The following PTH2R variants were observed in gnomAD, a reference collection of about 807,000 sequenced individuals.
The protein encoded by PTH2R is PTH2 receptor.
PTH2R carries 59 observed loss-of-function variants against 60.3 expected under a neutral mutation model. That is an observed-to-expected ratio of 0.98 (90% CI 0.79 to 1.22). The LOEUF is 1.22. PTH2R is among the 50% of genes most tolerant of loss of function. PTH2R has a pLI of 0.00. For missense variants in PTH2R, 749 were observed against 682.6 expected (o/e 1.10, Z -1.08); for synonymous variants, 256 against 243.8 (o/e 1.05, Z -0.47).
Position 208,362,837 on chromosome 2 carries a change from AGTGTGT to A in PTH2R, c.-259+2621_-259+2626del, listed in dbSNP as rs4021384. On this transcript the variant is annotated intron_variant, in intron 1 of 12. Coordinates refer to the PTH2R transcript ENST00000617735. ...CTCTACATCCATACCAACACTTATT[AGTGTGT>A]GTGTGTGTGTGTGTGTGTGTTTAAT... Among the ~76,000 whole-genome samples, 692 of 150,340 alleles carry A rather than the reference AGTGTGT, an allele frequency of 4.6e-3. 5 individuals carry two copies. Among genetic ancestry groups the A allele is most frequent in the African/African-American group, 0.014 (588 of 40,764 alleles).
chr2:208,465,615 G>A (rs1267822795), intron 9 of PTH2R, among the ~76,000 whole-genome samples: 1 of 151,802 alleles, frequency 6.6e-6, no homozygotes, highest in Non-Finnish European at 1.5e-5. Context: ...CGTTGGCCAG[G>A]CTGGACTCAA....
chr2:208,408,740 A>AGAGAAAGAGAGAGAGAGAGAGAG (rs1553542827), intron 1 of PTH2R, among the ~76,000 whole-genome samples: 66 of 123,338 alleles, frequency 5.4e-4, no homozygotes, highest in African/African-American at 1.5e-3. Flanking sequence ...GAGAGAGAGA[A>AGAGAAAGAGAGAGAGAGAGAGAG]AGAGAGAGAG....
intron 2 of PTH2R, among the ~76,000 whole-genome samples, chr2:208,431,047 AC>A (rs897893921): frequency 8.0e-4 from 122 of 152,206 alleles, no homozygotes; most frequent in African/African-American, 2.9e-3. Context: ...TCCTTCTGGA[AC>A]TTTAAGAAGA....
chr2:208,453,936 T>C (rs1026584543), intron 8 of PTH2R, among the ~76,000 whole-genome samples: 2 of 152,214 alleles, frequency 1.3e-5, no homozygotes, highest in Non-Finnish European at 2.9e-5. Flanking sequence ...CCGATCATTA[T>C]ATATAAACAG....
At chr2:208,444,342 T>G (rs1702245970) in intron 6 of PTH2R, among the ~76,000 whole-genome samples, 1 of 152,228 alleles carries the variant, frequency 6.6e-6, no homozygotes, top group African/African-American at 2.4e-5. Flanking sequence ...GGGCAGCTTG[T>G]TTTGCAGCAA....
intron 1 of PTH2R, among the ~76,000 whole-genome samples, chr2:208,409,240 C>G (rs980651152): frequency 3.3e-5 from 5 of 152,154 alleles, no homozygotes; most frequent in African/African-American, 1.2e-4. Context: ...CAAACTGATA[C>G]ATTTTATGAC....
At chr2:208,404,951 C>T (rs1701374666), upstream of PTH2R, among the ~76,000 whole-genome samples, 1 of 152,174 alleles carries the variant, frequency 6.6e-6, no homozygotes, top group African/African-American at 2.4e-5. Context: ...GAATGGTATT[C>T]CACCCTGGAT....
chr2:208,467,498 T>C (rs1702779806), intron 9 of PTH2R, among the ~76,000 whole-genome samples: 1 of 152,206 alleles, frequency 6.6e-6, no homozygotes, highest in Non-Finnish European at 1.5e-5. Flanking sequence ...CAACTCATTA[T>C]ATACACGTTT....
intron 1 of PTH2R, among the ~76,000 whole-genome samples, chr2:208,367,709 C>T (rs892581816): frequency 6.6e-6 from 1 of 152,120 alleles, no homozygotes; most frequent in Non-Finnish European, 1.5e-5. Context: ...ACTTGCATAC[C>T]TCCAGGATAT....
In PTH2R at chr2:208,443,344, G is replaced by A. The variant is rs374532691; in HGVS notation, c.510-4G>A. ...ATTTAAATACTGAATATTTCTCTCC[G>A]TAGACGATTGCATTGCACTAGGAAC... On this transcript the variant is annotated splice_region_variant and splice_polypyrimidine_tract_variant and intron_variant, in intron 5 of 12. Coordinates refer to ENST00000272847, the MANE Select transcript of PTH2R (RefSeq NM_005048.4). 4.4e-5 allele frequency: 68 copies of A among 1,536,234 alleles called. 1 individual carries two copies. Among genetic ancestry groups the A allele is most frequent in the African/African-American group, 3.0e-4 (21 of 70,952 alleles).
chr2:208,406,762 G>T (rs1574844691), upstream of PTH2R: 1 of 310,812 alleles, frequency 3.2e-6, no homozygotes, highest in Admixed American at 5.0e-5. Flanking sequence ...CCTTCCCGCC[G>T]CAGGCGGCGC....
intron 1 of PTH2R, among the ~76,000 whole-genome samples, chr2:208,401,533 T>C (rs947806269): frequency 6.6e-6 from 1 of 152,024 alleles, no homozygotes; most frequent in African/African-American, 2.4e-5. Context: ...GTATCTCTCC[T>C]TCTTATTCCT....
Position 208,465,388 on chromosome 2 carries a change from CTTTTTTTTTTTTTT to C in PTH2R, c.981+5446_981+5459del, listed in dbSNP as rs60871321. On this transcript the variant is annotated intron_variant, in intron 9 of 12. Coordinates refer to ENST00000272847, the MANE Select transcript of PTH2R (RefSeq NM_005048.4). ...ACATACTTGTTGGCTATTTGTAAGT[CTTTTTTTTTTTTTT>C]TTTTTTTTTTTTTTTTTTGTGATGG... Among the ~76,000 whole-genome samples, 36 of 39,906 alleles carry C rather than the reference CTTTTTTTTTTTTTT, an allele frequency of 9.0e-4. 1 individual carries two copies. Among genetic ancestry groups the C allele is most frequent in the Non-Finnish European group, 1.2e-3 (28 of 24,192 alleles). The allele number at this position is 39,906 out of a possible 152,430, so 26.2% of individuals were successfully genotyped here. A position where few individuals can be genotyped will look rare whatever the true frequency, so the allele number is the denominator to read the frequency against.
chr2:208,421,909 G>T, intron 1 of PTH2R, among the ~76,000 whole-genome samples: 1 of 152,142 alleles, frequency 6.6e-6, no homozygotes, highest in East Asian at 1.9e-4. Context: ...AAATAGAATG[G>T]CTAGCTGTAT....
chr2:208,397,060 A>C (rs1416949567), intron 1 of PTH2R, among the ~76,000 whole-genome samples: 1 of 152,190 alleles, frequency 6.6e-6, no homozygotes, highest in Non-Finnish European at 1.5e-5. Flanking sequence ...CCAAGGACAG[A>C]AAACCAAACC....
At chr2:208,449,454 A>AATAGATAGATAG (rs34534103) in intron 7 of PTH2R, among the ~76,000 whole-genome samples, 3 of 150,312 alleles carry the variant, frequency 2.0e-5, no homozygotes, top group African/African-American at 4.9e-5. Flanking sequence ...TAGATAGATA[A>AATAGATAGATAG]ATAGATAGAT....
At chr2:208,396,745 C>T (rs182953908) in intron 1 of PTH2R, among the ~76,000 whole-genome samples, 155 of 152,196 alleles carry the variant, frequency 1.0e-3, no homozygotes, top group Non-Finnish European at 1.6e-3. Flanking sequence ...GAAGACAGTG[C>T]GGTGATTCCT....
chr2:208,465,569 AT>A (rs769226208), intron 9 of PTH2R, among the ~76,000 whole-genome samples: 1 of 150,528 alleles, frequency 6.6e-6, no homozygotes, highest in Non-Finnish European at 1.5e-5. Flanking sequence ...TGCCCAGCTA[AT>A]TTTTTTTATT....
At chr2:208,487,266 A>G (rs1032628289) in intron 10 of PTH2R, among the ~76,000 whole-genome samples, 2 of 152,206 alleles carry the variant, frequency 1.3e-5, no homozygotes, top group African/African-American at 4.8e-5. Context: ...GTTAATATCA[A>G]GTATGGAACC....
Sources: allele counts gnomAD v4.1 joint callset (sites outside exome capture counted in the v4.1 genomes callset), GRCh38; gene constraint gnomAD v4.1.1; transcripts MANE v1.5; gene names NCBI Gene and HGNC (gene_info 2026-07-23, HGNC 2026-07-21).